DMXL1: variants seen among roughly 807,000 people sequenced by gnomAD.
The protein encoded by DMXL1 is Dmx like 1, also known as dmX-like protein 1.
DMXL1 carries 99 observed loss-of-function variants against 319.2 expected under a neutral mutation model. That is an observed-to-expected ratio of 0.31 (90% CI 0.26 to 0.37). DMXL1 has a LOEUF of 0.37. DMXL1 is among the 10% of genes least tolerant of loss of function. The probability of loss-of-function intolerance (pLI) is 1.00; values close to 1 mark genes in which losing one functional copy is unlikely to be tolerated. For synonymous variants in DMXL1, 1,385 were observed against 1,235.2 expected, an observed-to-expected ratio of 1.12 and a Z score of -2.54; for missense variants, 3,745 against 3,595.6, an observed-to-expected ratio of 1.04 and a Z score of -1.06.
intron 1 of DMXL1, among the ~76,000 whole-genome samples, chr5:119,093,908 T>C (rs913323617): frequency 1.3e-5 from 2 of 152,182 alleles, no homozygotes; most frequent in African/African-American, 4.8e-5. Flanking sequence ...CCCTAACTCT[T>C]CTCAATTCCG....
chr5:119,117,760 G>A (rs1031992594), intron 7 of DMXL1, among the ~76,000 whole-genome samples: 3 of 151,968 alleles, frequency 2.0e-5, no homozygotes, highest in Non-Finnish European at 4.4e-5. Flanking sequence ...ATGGAGGAGG[G>A]AAGGAGAAGG....
chr5:119,234,188 A>G (rs1160709280), intron 39 of DMXL1, among the ~76,000 whole-genome samples: 2 of 151,974 alleles, frequency 1.3e-5, no homozygotes, highest in African/African-American at 2.4e-5. Flanking sequence ...CCCCACTTTT[A>G]TGTTAGACAG....
chr5:119,232,786 C>T (rs1432428776), intron 38 of DMXL1, among the ~76,000 whole-genome samples: 8 of 149,194 alleles, frequency 5.4e-5, no homozygotes, highest in Non-Finnish European at 1.2e-4. Flanking sequence ...CCAGCCTTGG[C>T]AACACTGCAA....
chr5:119,157,932 T>A (rs528346764), intron 19 of DMXL1, among the ~76,000 whole-genome samples: 5 of 152,226 alleles, frequency 3.3e-5, no homozygotes, highest in Non-Finnish European at 5.9e-5. Context: ...TTTAACAAAT[T>A]AAAAATTTAA....
At chr5:119,190,475 C>T (rs1298929631) in intron 29 of DMXL1, among the ~76,000 whole-genome samples, 1 of 152,154 alleles carries the variant, frequency 6.6e-6, no homozygotes, top group Non-Finnish European at 1.5e-5. Context: ...GATTATGTAG[C>T]ACCTGTTACT....
chr5:119,090,623 C>T lies in DMXL1; in HGVS notation c.88-7356C>T, dbSNP rs538937366. The stretch of plus-strand genomic sequence containing the variant: ...TTTTGCCCAGGCTGGGGTGCAATGG[C>T]GCGATCTCGGCTCACCGCAACCTCT... On this transcript the variant is annotated intron_variant, in intron 1 of 43. Transcript: ENST00000539542. Among the ~76,000 whole-genome samples, 76 of 143,452 alleles carry T rather than the reference C, an allele frequency of 5.3e-4. 1 individual carries two copies. The highest frequency in any genetic ancestry group is 1.9e-3 in the African/African-American group (72 of 38,454). The allele number at this position is 143,452 out of a possible 152,430, so 94.1% of individuals were successfully genotyped here.
At chr5:119,130,127 T>G (rs1387265523) in intron 10 of DMXL1, among the ~76,000 whole-genome samples, 1 of 152,190 alleles carries the variant, frequency 6.6e-6, no homozygotes, top group African/African-American at 2.4e-5. Context: ...TTTGTTTAAT[T>G]TTTAATTTCA....
intron 3 of DMXL1, chr5:119,102,229 T>G: frequency 3.0e-6 from 1 of 338,250 alleles, no homozygotes; most frequent in Non-Finnish European, 5.4e-6. Flanking sequence ...ATTATTTTAT[T>G]TCTGACATTT....
chr5:119,094,222 A>G (rs1429725083), intron 1 of DMXL1, among the ~76,000 whole-genome samples: 1 of 152,250 alleles, frequency 6.6e-6, no homozygotes, highest in African/African-American at 2.4e-5. Context: ...AAAGCTTCAA[A>G]GGACAGGCTG....
At chr5:119,167,329 G>T (rs11953026) in intron 22 of DMXL1, among the ~76,000 whole-genome samples, 1 of 151,808 alleles carries the variant, frequency 6.6e-6, no homozygotes, top group East Asian at 1.9e-4. Context: ...TTAAATTGAC[G>T]TCATTTAAAT....
At chr5:119,235,683 A>G (rs1285124534) in intron 39 of DMXL1, among the ~76,000 whole-genome samples, 1 of 152,106 alleles carries the variant, frequency 6.6e-6, no homozygotes, top group Non-Finnish European at 1.5e-5. Flanking sequence ...AGTTAAAGAG[A>G]GAATCCTATA....
intron 14 of DMXL1, 114 bp downstream of exon 14, chr5:119,144,044 T>G (rs1263908329): frequency 3.1e-6 from 2 of 640,308 alleles, no homozygotes; most frequent in Non-Finnish European, 2.7e-6. Flanking sequence ...ACAGGTAGAT[T>G]CAGTAATTAA....
chr5:119,159,354 C>T lies in DMXL1; in HGVS notation c.4703-5153C>T, dbSNP rs554406576. The stretch of plus-strand genomic sequence containing the variant: ...TCAAGTAATCTGCCTGCCTTGGCCT[C>T]CCAAAATGCTGGGGTTACAGGCGTG... On this transcript the variant is annotated intron_variant, in intron 19 of 43. Coordinates refer to ENST00000539542, the MANE Select transcript of DMXL1 (RefSeq NM_001290321.3). Among the ~76,000 whole-genome samples the T allele has an allele frequency of 2.0e-5, 3 of 152,288 alleles. No individual in the cohort carries two copies. The South Asian group carries it at 6.2e-4, about 32-fold the overall frequency.
Position 119,216,890 on chromosome 5 carries a change from CT to C in DMXL1, c.7927-7del. ...TCAGTGCATTTTTGTGTTTTGTTTC[CT>C]TTTATTTAGATAGAAGCAGATTTGG... is the stretch of plus-strand genomic sequence containing the variant. On this transcript the variant is annotated splice_polypyrimidine_tract_variant and intron_variant, in intron 34 of 43. Transcript: ENST00000539542. The C allele has an allele frequency of 6.5e-7, 1 of 1,533,494 alleles. No individual in the cohort carries two copies. Among genetic ancestry groups the C allele is most frequent in the Non-Finnish European group, 8.9e-7 (1 of 1,118,690 alleles). 95.0% of individuals were successfully genotyped at this position (1,533,494 alleles called of 1,614,324 possible).
intron 15 of DMXL1, among the ~76,000 whole-genome samples, chr5:119,146,464 T>C (rs944191245): frequency 3.9e-5 from 6 of 152,028 alleles, no homozygotes; most frequent in African/African-American, 1.2e-4. Flanking sequence ...ATAGAACTTA[T>C]TCATTTGAAA....
chr5:119,139,612 C>T (rs752202934), intron 13 of DMXL1, among the ~76,000 whole-genome samples: 46 of 152,070 alleles, frequency 3.0e-4, no homozygotes, highest in Non-Finnish European at 5.6e-4. Flanking sequence ...ACAGGAGCAC[C>T]CAGATTCATA....
At chr5:119,123,906 G>T (rs1304270782) in intron 9 of DMXL1, among the ~76,000 whole-genome samples, 1 of 148,718 alleles carries the variant, frequency 6.7e-6, no homozygotes, top group Non-Finnish European at 1.5e-5. Context: ...ATCCAGGTTT[G>T]ATTTAATGTG....
chr5:119,223,002 A>G (rs1287066715), intron 37 of DMXL1, among the ~76,000 whole-genome samples: 1 of 148,928 alleles, frequency 6.7e-6, no homozygotes, highest in Admixed American at 6.7e-5. Context: ...ATATTTTATC[A>G]TCTTTATTAT....
intron 30 of DMXL1, 101 bp downstream of exon 30, chr5:119,194,071 A>C: frequency 1.3e-6 from 1 of 743,638 alleles, no homozygotes; most frequent in Non-Finnish European, 2.0e-6. Context: ...TGTTGACTTT[A>C]TAACACATTA....
Sources: allele counts gnomAD v4.1 joint callset (sites outside exome capture counted in the v4.1 genomes callset), GRCh38; gene constraint gnomAD v4.1.1; transcripts MANE v1.5; gene names NCBI Gene and HGNC (gene_info 2026-07-23, HGNC 2026-07-21).